IQCM: variants seen among roughly 807,000 people sequenced by gnomAD.
IQCM encodes IQ domain-containing protein M.
In IQCM, 45 loss-of-function variants were observed where a neutral mutation model predicts 57.6. The ratio of observed to expected loss-of-function variants is 0.78; its 90% confidence interval spans 0.62 to 1.00. The LOEUF (loss-of-function observed/expected upper bound fraction) is 1.00. IQCM is among the 50% of genes least tolerant of loss of function. The pLI, the probability that IQCM is intolerant of heterozygous loss-of-function variation, is 0.00. For synonymous variants in IQCM, 148 were observed against 158.9 expected, an observed-to-expected ratio of 0.93 and a Z score of 0.51; for missense variants, 468 against 511.6, an observed-to-expected ratio of 0.91 and a Z score of 0.82.
intron 12 of IQCM, among the ~76,000 whole-genome samples, chr4:149,450,409 A>G (rs1736984950): frequency 6.6e-6 from 1 of 151,884 alleles, no homozygotes. Context: ...GTAAACAGTC[A>G]TCAAAGTGAG....
At chr4:149,411,171 A>G (rs1046570479) in intron 13 of IQCM, among the ~76,000 whole-genome samples, 12 of 152,092 alleles carry the variant, frequency 7.9e-5, no homozygotes, top group African/African-American at 2.2e-4. Context: ...GGTATCCTCA[A>G]TACTTCACTT....
intron 7 of IQCM, among the ~76,000 whole-genome samples, chr4:149,635,150 T>C (rs1018965649): frequency 6.6e-6 from 1 of 152,214 alleles, no homozygotes; most frequent in Non-Finnish European, 1.5e-5. Flanking sequence ...TGAATAATAC[T>C]ACTTTTCCAA....
At chr4:149,799,426 A>G (rs1247515197) in intron 2 of IQCM, among the ~76,000 whole-genome samples, 2 of 151,810 alleles carry the variant, frequency 1.3e-5, no homozygotes, top group Non-Finnish European at 2.9e-5. Context: ...TGCATCTAAA[A>G]GAACTAGAAA....
intron 2 of IQCM, among the ~76,000 whole-genome samples, chr4:149,774,448 G>A (rs944698028): frequency 6.6e-5 from 10 of 152,072 alleles, no homozygotes; most frequent in Admixed American, 5.2e-4. Flanking sequence ...TGTTCCTCGC[G>A]ACATGGCTGC....
intron 12 of IQCM, among the ~76,000 whole-genome samples, chr4:149,527,299 A>G (rs1159651163): frequency 2.0e-5 from 3 of 152,204 alleles, no homozygotes; most frequent in Non-Finnish European, 1.5e-5. Flanking sequence ...CCCTCTTATT[A>G]TGGATTAAAT....
rs570731560 is a variant in IQCM, at chr4:149,417,440, G to C, written c.1390+15956C>G. On this transcript the variant is annotated intron_variant, in intron 13 of 13. Transcript: ENST00000636793. ...AGGAGGACATGGTGCTGTGAAGCTT[G>C]GTTGTTCTGGCATACTTTGGTTCCA... Among the ~76,000 whole-genome samples the C allele has an allele frequency of 4.9e-4, 74 of 152,192 alleles. 1 individual carries two copies. The South Asian group carries it at 0.015, about 32-fold the overall frequency.
chr4:149,396,007 A>C (rs1185591682), intron 13 of IQCM, among the ~76,000 whole-genome samples: 1 of 152,038 alleles, frequency 6.6e-6, no homozygotes, highest in Non-Finnish European at 1.5e-5. Context: ...CAATTAGCAA[A>C]AAATGACAAG....
chr4:149,535,434 A>C (rs1184931052), intron 12 of IQCM, among the ~76,000 whole-genome samples: 1 of 152,020 alleles, frequency 6.6e-6, no homozygotes, highest in Non-Finnish European at 1.5e-5. Flanking sequence ...CATATAAAAC[A>C]AAGACTTGCT....
chr4:149,485,488 T>G (rs1315276518), intron 12 of IQCM, among the ~76,000 whole-genome samples: 2 of 151,834 alleles, frequency 1.3e-5, no homozygotes, highest in Non-Finnish European at 2.9e-5. Flanking sequence ...TGATCAATTC[T>G]GCTACTAAGA....
intron 12 of IQCM, among the ~76,000 whole-genome samples, chr4:149,490,742 A>G (rs1468448730): frequency 6.6e-6 from 1 of 152,040 alleles, no homozygotes; most frequent in East Asian, 1.9e-4. Flanking sequence ...TTCTCTTCCC[A>G]CCAGCAACCA....
intron 8 of IQCM, among the ~76,000 whole-genome samples, chr4:149,599,026 C>A (rs965236845): frequency 6.6e-6 from 1 of 152,030 alleles, no homozygotes; most frequent in Non-Finnish European, 1.5e-5. Flanking sequence ...AATATGACAT[C>A]CCAGATGCAA....
chr4:149,598,111 T>A (rs892933551), intron 8 of IQCM, among the ~76,000 whole-genome samples: 1 of 152,164 alleles, frequency 6.6e-6, no homozygotes, highest in Non-Finnish European at 1.5e-5. Context: ...TTTTGCCAAC[T>A]GACCCTTACT....
chr4:149,460,795 C>A (rs1738193124), intron 12 of IQCM, among the ~76,000 whole-genome samples: 1 of 152,080 alleles, frequency 6.6e-6, no homozygotes, highest in Non-Finnish European at 1.5e-5. Flanking sequence ...AAGGTACTGA[C>A]AATAATTGGA....
At chr4:149,800,827 T>C (rs1773537458) in intron 2 of IQCM, among the ~76,000 whole-genome samples, 1 of 151,654 alleles carries the variant, frequency 6.6e-6, no homozygotes. Flanking sequence ...AATGAGAGAA[T>C]TGAAAAGGAC....
At chr4:149,681,418 T>C (rs1762167578) in intron 7 of IQCM, among the ~76,000 whole-genome samples, 2 of 151,296 alleles carry the variant, frequency 1.3e-5, no homozygotes, top group African/African-American at 4.8e-5. Flanking sequence ...TGAATATTGA[T>C]TGGAATCATG....
intron 5 of IQCM, among the ~76,000 whole-genome samples, chr4:149,713,196 C>CACCA (rs1402852715): frequency 1.3e-5 from 2 of 152,154 alleles, no homozygotes; most frequent in Non-Finnish European, 2.9e-5. Flanking sequence ...TATTCCCTAT[C>CACCA]ACCAACAACG....
At chr4:149,671,067 G>A (rs1436683516) in intron 7 of IQCM, among the ~76,000 whole-genome samples, 1 of 151,950 alleles carries the variant, frequency 6.6e-6, no homozygotes, top group Non-Finnish European at 1.5e-5. Context: ...AATGCTACCA[G>A]CTCCTATTTG....
At chr4:149,464,113 A>T (rs1303643836) in intron 12 of IQCM, among the ~76,000 whole-genome samples, 1 of 152,148 alleles carries the variant, frequency 6.6e-6, no homozygotes, top group South Asian at 2.1e-4. Flanking sequence ...CTTACTGTAT[A>T]TGTAATTCTG....
chr4:149,686,862 G>A (rs1037007277), intron 5 of IQCM, among the ~76,000 whole-genome samples: 1 of 151,250 alleles, frequency 6.6e-6, no homozygotes, highest in African/African-American at 2.4e-5. Context: ...AAAATAATTT[G>A]GCAAATCTCT....
Sources: gnomAD v4.1 joint callset for allele counts (sites outside exome capture counted in the v4.1 genomes callset) on GRCh38, gnomAD v4.1.1 for gene constraint, MANE v1.5 for transcripts, NCBI Gene and HGNC (gene_info 2026-07-23, HGNC 2026-07-21) for gene names.